Variants in LYPLAL1 observed in about 807,000 individuals in gnomAD.
The protein encoded by LYPLAL1 is lysophospholipase like 1, also known as lysophospholipase-like protein 1.
In LYPLAL1, 23 loss-of-function variants were observed where a neutral mutation model predicts 19.7. That is an observed-to-expected ratio of 1.17 (90% CI 0.84 to 1.65). LYPLAL1 has a LOEUF of 1.65. Among genes scored for constraint, LYPLAL1 ranks in the 40% most tolerant of loss-of-function variants. LYPLAL1 has a pLI of 0.00. For synonymous variants in LYPLAL1, 119 were observed against 96.3 expected, an observed-to-expected ratio of 1.24 and a Z score of -1.38; for missense variants, 355 against 279.4, an observed-to-expected ratio of 1.27 and a Z score of -1.93.
chr1:219,404,656 G>T, the LYPLAL1 span, among the ~76,000 whole-genome samples: 1 of 152,108 alleles, frequency 6.6e-6, no homozygotes, highest in Non-Finnish European at 1.5e-5. Context: ...TTGGTTCATG[G>T]GTTCAAAAAT....
the LYPLAL1 span, among the ~76,000 whole-genome samples, chr1:219,346,591 G>C: frequency 6.6e-6 from 1 of 151,812 alleles, no homozygotes; most frequent in Non-Finnish European, 1.5e-5. Context: ...AGAATGAAAA[G>C]ATAGGGATAC....
the LYPLAL1 span, among the ~76,000 whole-genome samples, chr1:219,324,066 G>T: frequency 6.6e-6 from 1 of 152,118 alleles, no homozygotes; most frequent in Non-Finnish European, 1.5e-5. Flanking sequence ...CCCAAATGGT[G>T]GTTCTTTCTT....
downstream of LYPLAL1, among the ~76,000 whole-genome samples, chr1:219,214,823 G>A (rs1285534214): frequency 1.3e-5 from 2 of 151,466 alleles, no homozygotes; most frequent in Non-Finnish European, 2.9e-5. Context: ...CCAAGTAGCT[G>A]GGATTACATG....
At chr1:219,342,771 A>C in the LYPLAL1 span, among the ~76,000 whole-genome samples, 19 of 152,196 alleles carry the variant, frequency 1.2e-4, no homozygotes, top group Admixed American at 9.2e-4. Flanking sequence ...AGATTATTTT[A>C]TTAAGTGACT....
At chr1:219,258,489 C>T in the LYPLAL1 span, among the ~76,000 whole-genome samples, 1 of 152,000 alleles carries the variant, frequency 6.6e-6, no homozygotes, top group Non-Finnish European at 1.5e-5. Context: ...TTTCCTCTAC[C>T]TTTTTACTTT....
chr1:219,184,037 C>T (rs1656513189), intron 2 of LYPLAL1, among the ~76,000 whole-genome samples: 2 of 151,822 alleles, frequency 1.3e-5, no homozygotes, highest in Non-Finnish European at 1.5e-5. Flanking sequence ...TTTGCTCATT[C>T]TATGTTACTT....
At chr1:219,243,583 G>A in the LYPLAL1 span, among the ~76,000 whole-genome samples, 1 of 152,028 alleles carries the variant, frequency 6.6e-6, no homozygotes, top group African/African-American at 2.4e-5. Context: ...TTTGGAAAGG[G>A]AAAAGGAGGT....
At chr1:219,400,727 T>G in the LYPLAL1 span, among the ~76,000 whole-genome samples, 1 of 152,208 alleles carries the variant, frequency 6.6e-6, no homozygotes, top group African/African-American at 2.4e-5. Context: ...CTTGAACTCC[T>G]GACCTCAAGT....
At chr1:219,230,027 A>T in the LYPLAL1 span, among the ~76,000 whole-genome samples, 1 of 152,250 alleles carries the variant, frequency 6.6e-6, no homozygotes, top group Non-Finnish European at 1.5e-5. Context: ...AAATAAAAAT[A>T]AGAGATTTTT....
At chr1:219,207,984 A>G (rs2125110171) in intron 3 of LYPLAL1, among the ~76,000 whole-genome samples, 1 of 152,072 alleles carries the variant, frequency 6.6e-6, no homozygotes, top group East Asian at 1.9e-4. Context: ...CTTTGCTCAA[A>G]TCCCATCTCT....
chr1:219,296,820 G>C, the LYPLAL1 span, among the ~76,000 whole-genome samples: 1 of 152,088 alleles, frequency 6.6e-6, no homozygotes, highest in South Asian at 2.1e-4. Flanking sequence ...CCATGTTAGG[G>C]ACTGTTCCTA....
At chr1:219,207,622 TAGAG>T (rs1168965142) in intron 3 of LYPLAL1, among the ~76,000 whole-genome samples, 3 of 152,076 alleles carry the variant, frequency 2.0e-5, no homozygotes, top group Non-Finnish European at 4.4e-5. Flanking sequence ...GTTGTAAGCA[TAGAG>T]GGATACATTG....
the LYPLAL1 span, among the ~76,000 whole-genome samples, chr1:219,382,614 G>A: frequency 5.3e-5 from 8 of 152,002 alleles, no homozygotes; most frequent in African/African-American, 1.7e-4. Context: ...CACCAGCCTT[G>A]GCCTCCCAAA....
the LYPLAL1 span, among the ~76,000 whole-genome samples, chr1:219,303,393 A>G: frequency 5.3e-5 from 8 of 152,240 alleles, no homozygotes; most frequent in Non-Finnish European, 1.0e-4. Context: ...TCTGAGGGAA[A>G]TAAAACCAGG....
intron 3 of LYPLAL1, among the ~76,000 whole-genome samples, chr1:219,196,902 G>T (rs1657649917): frequency 6.6e-6 from 1 of 152,064 alleles, no homozygotes. Flanking sequence ...ATGCACAATT[G>T]CTACAAAGAG....
chr1:219,287,764 C>T, the LYPLAL1 span, among the ~76,000 whole-genome samples: 1 of 152,188 alleles, frequency 6.6e-6, no homozygotes, highest in African/African-American at 2.4e-5. Flanking sequence ...AACTGTCATC[C>T]TCACTTGATG....
the LYPLAL1 span, among the ~76,000 whole-genome samples, chr1:219,323,887 C>G: frequency 6.6e-6 from 1 of 152,070 alleles, no homozygotes; most frequent in East Asian, 1.9e-4. Flanking sequence ...ACACCCATAA[C>G]CACCCATATA....
At chr1:219,315,150 T>G in the LYPLAL1 span, among the ~76,000 whole-genome samples, 13 of 152,296 alleles carry the variant, frequency 8.5e-5, 1 homozygote, top group East Asian at 2.5e-3. Context: ...CAAATTTAGA[T>G]TAAAACTGAA....
chr1:219,441,247 A>T, the LYPLAL1 span, among the ~76,000 whole-genome samples: 1 of 152,242 alleles, frequency 6.6e-6, no homozygotes, highest in Non-Finnish European at 1.5e-5. Context: ...AAATTATAAG[A>T]TAATCAGACA....
Sources: allele counts gnomAD v4.1 joint callset (sites outside exome capture counted in the v4.1 genomes callset), GRCh38; gene constraint gnomAD v4.1.1; transcripts MANE v1.5; gene names NCBI Gene and HGNC (gene_info 2026-07-23, HGNC 2026-07-21).